Variants in VPS54 observed in about 807,000 individuals in gnomAD.
The protein encoded by VPS54 is VPS54 subunit of GARP complex.
A neutral mutation model predicts 121.5 loss-of-function variants in VPS54; 45 were observed. The observed-to-expected ratio is 0.37, with a 90% confidence interval of 0.29 to 0.47. The LOEUF (loss-of-function observed/expected upper bound fraction) is 0.47, where lower values mean the gene tolerates loss of function less well. Among genes scored for constraint, VPS54 ranks in the 20% least tolerant of loss-of-function variants. The pLI is 0.99. For synonymous variants in VPS54, 371 were observed against 385.8 expected (o/e 0.96, Z 0.45); for missense variants, 1,090 against 1,131.4 (o/e 0.96, Z 0.52).
chr2:63,897,570 A>T lies in VPS54; in HGVS notation c.2754T>A (p.Asn918Lys). The T allele has an allele frequency of 6.3e-7, 1 of 1,576,596 alleles. No homozygotes were observed. Residue 918 changes from asparagine (N) to lysine (K), a missense_variant, in exon 22 of 23, where the codon AAT becomes AAA. By Grantham distance (94) the Asn-to-Lys change is moderately conservative (BLOSUM62 0). Coordinates refer to ENST00000272322, the MANE Select transcript of VPS54 (RefSeq NM_016516.3). ...TTTTCAAGTGGAGTTTATAACTTGC[A>T]TTAATTCTTAAAAATAACATCTGAA... ...EQTQMLFLRINASYKLHLKKQ... is the reference protein window; with the variant it reads ...EQTQMLFLRIKASYKLHLKKQ...
chr2:63,942,369 G>A, intron 11 of VPS54, 96 bp downstream of exon 11: 1 of 837,480 alleles, frequency 1.2e-6, no homozygotes, highest in Non-Finnish European at 1.7e-6. Context: ...AAGAAACTGT[G>A]TTTTATTCTA....
chr2:63,916,951 C>CT lies in VPS54; in HGVS notation c.2176dup (p.Arg726LysfsTer5), dbSNP rs1225289922. On this transcript the variant is annotated frameshift_variant, in exon 16 of 23. Transcript: ENST00000272322. LOFTEE classifies it high-confidence loss of function. ...GACAATAAGAACTTCAGCTGGTTTC[C>CT]TTTCTTCTGTGGCTACAGAGTTAAG... is the stretch of plus-strand genomic sequence containing the variant. The CT allele has an allele frequency of 6.2e-7, 1 of 1,613,554 alleles. No individual in the cohort carries two copies. Among genetic ancestry groups the CT allele is most frequent in the Non-Finnish European group, 8.5e-7 (1 of 1,179,624 alleles).
chr2:63,985,276 G>A (rs1478432195), intron 1 of VPS54, among the ~76,000 whole-genome samples: 3 of 152,042 alleles, frequency 2.0e-5, no homozygotes, highest in Non-Finnish European at 4.4e-5. Context: ...CCAAGATCAC[G>A]CCACTATACT....
rs1180528387 is a variant in VPS54, at chr2:63,912,669, T to C, written c.2423-8A>G. 2 of 1,562,508 alleles carry C rather than the reference T, an allele frequency of 1.3e-6. No individual in the cohort carries two copies. Among genetic ancestry groups the C allele is most frequent in the African/African-American group, 2.8e-5 (2 of 70,536 alleles). On this transcript the variant is annotated splice_polypyrimidine_tract_variant and splice_region_variant and intron_variant, in intron 18 of 22. Transcript: ENST00000272322. ...AACATCGTGAAGAAAGAGCTGAAGA[T>C]CCAGGGAGTAGATATATAATGGAGA...
intron 3 of VPS54, among the ~76,000 whole-genome samples, chr2:63,976,350 C>CAAAAAAAAAA (rs371137546): frequency 1.6e-4 from 15 of 93,888 alleles, no homozygotes; most frequent in African/African-American, 3.4e-4. Flanking sequence ...GACCTTGTCT[C>CAAAAAAAAAA]AAAAAAAAAA....
intron 16 of VPS54, among the ~76,000 whole-genome samples, chr2:63,915,920 C>T (rs1673360325): frequency 6.6e-6 from 1 of 152,128 alleles, no homozygotes; most frequent in Non-Finnish European, 1.5e-5. Flanking sequence ...AATTAGAAGA[C>T]ATATACATAA....
At chr2:63,954,616 A>C (rs1675409053) in intron 7 of VPS54, among the ~76,000 whole-genome samples, 1 of 152,100 alleles carries the variant, frequency 6.6e-6, no homozygotes, top group Admixed American at 6.5e-5. Flanking sequence ...TTAATGATAA[A>C]TCTAGACAGC....
At chr2:63,900,817 C>T (rs1385878572) in intron 20 of VPS54, among the ~76,000 whole-genome samples, 2 of 152,086 alleles carry the variant, frequency 1.3e-5, no homozygotes. Context: ...AGCTGGAGTG[C>T]AGTGGTGCAA....
rs756538012 is a variant in VPS54, at chr2:63,975,046, A to AT, written c.379-2803dup. 1,678 of 1,479,834 alleles carry AT rather than the reference A, an allele frequency of 1.1e-3. 1 individual carries two copies. Among genetic ancestry groups the AT allele is most frequent in the South Asian group, 3.9e-3 (302 of 78,212 alleles). 91.7% of individuals were successfully genotyped at this position (1,479,834 alleles called of 1,614,324 possible). ...CCCATTAGCTACAGAGTTTTTGTAG[A>AT]TTTTTTTTTTCTTTTTTGAGACAGA... On this transcript the variant is annotated intron_variant, in intron 3 of 22. Coordinates refer to ENST00000272322, the MANE Select transcript of VPS54 (RefSeq NM_016516.3).
chr2:63,954,769 A>T (rs1455407852), intron 7 of VPS54, among the ~76,000 whole-genome samples: 1 of 152,090 alleles, frequency 6.6e-6, no homozygotes, highest in African/African-American at 2.4e-5. Context: ...TCAATTACAG[A>T]GAATATAGGT....
intron 9 of VPS54, 148 bp downstream of exon 9, chr2:63,947,235 T>C (rs1235563746): frequency 1.4e-6 from 1 of 691,160 alleles, no homozygotes; most frequent in East Asian, 4.4e-5. Flanking sequence ...GGTAAGGCTA[T>C]GTTTTACTTT....
At position 63,929,525 on chromosome 2, in the gene VPS54, G is replaced by A. The variant is rs139382507; in HGVS notation, c.1739+4148C>T. Among the ~76,000 whole-genome samples the A allele has an allele frequency of 6.8e-3, 1,030 of 152,302 alleles. 8 individuals are homozygous for A. The highest frequency in any genetic ancestry group is 0.018 in the South Asian group (88 of 4,826). ...GGACACATTTAAAGCAGTGTGTAGAGGGAAATTTATAGCAGTAAATGCCCA... is the reference window on the plus strand; with the variant it reads ...GGACACATTTAAAGCAGTGTGTAGAAGGAAATTTATAGCAGTAAATGCCCA... On this transcript the variant is annotated intron_variant, in intron 12 of 22. Transcript: ENST00000272322.
In VPS54 at chr2:63,899,593, AAAT is replaced by A. The variant is rs1652930117; in HGVS notation, c.2626-15_2626-13del. 1 of 1,600,634 alleles carries A rather than the reference AAAT, an allele frequency of 6.2e-7. No individual in the cohort carries two copies. Among genetic ancestry groups the A allele is most frequent in the African/African-American group, 1.3e-5 (1 of 74,568 alleles). On this transcript the variant is annotated splice_polypyrimidine_tract_variant and intron_variant, in intron 20 of 22. Coordinates refer to ENST00000272322, the MANE Select transcript of VPS54 (RefSeq NM_016516.3). ...GCCTTCACTTCATACTGGTAGGAAAAAATAATGAGAATTATGTTCATGTCCTCT... is the reference window on the plus strand; with the variant it reads ...GCCTTCACTTCATACTGGTAGGAAAAAATGAGAATTATGTTCATGTCCTCT...
chr2:64,009,899 T>C (rs974952355), intron 1 of VPS54, among the ~76,000 whole-genome samples: 7 of 151,522 alleles, frequency 4.6e-5, no homozygotes, highest in Admixed American at 3.9e-4. Flanking sequence ...TGGAGTGCAG[T>C]GGCGTGATCT....
intron 1 of VPS54, among the ~76,000 whole-genome samples, chr2:63,984,907 C>G (rs1276617582): frequency 6.6e-6 from 1 of 151,972 alleles, no homozygotes; most frequent in Non-Finnish European, 1.5e-5. Flanking sequence ...TAAGTTCTCT[C>G]AAAACAGAGA....
intron 16 of VPS54, among the ~76,000 whole-genome samples, chr2:63,914,635 G>C (rs1361697668): frequency 1.3e-5 from 2 of 152,050 alleles, no homozygotes; most frequent in Non-Finnish European, 2.9e-5. Flanking sequence ...CAGTAAGACA[G>C]GTATTGCATT....
intron 7 of VPS54, among the ~76,000 whole-genome samples, chr2:63,961,283 A>C (rs972379679): frequency 1.1e-4 from 16 of 152,324 alleles, no homozygotes; most frequent in African/African-American, 3.6e-4. Flanking sequence ...AATATATCCT[A>C]AACATTCCAA....
At position 63,934,032 on chromosome 2, in the gene VPS54, C is replaced by T; in HGVS notation, c.1399-19G>A. ...ATGTTGCCTACAAGAAAATAGGACA[C>T]ACTTTTAAGGGACGTAAAATGTCTC... On this transcript the variant is annotated intron_variant, in intron 11 of 22. Transcript: ENST00000272322. 2 of 1,597,816 alleles carry T rather than the reference C, an allele frequency of 1.3e-6. No individual in the cohort carries two copies. Among genetic ancestry groups the T allele is most frequent in the African/African-American group, 1.3e-5 (1 of 74,638 alleles).
chr2:63,920,361 A>C, intron 14 of VPS54, 85 bp downstream of exon 14: 1 of 1,275,092 alleles, frequency 7.8e-7, no homozygotes, highest in Non-Finnish European at 1.0e-6. Flanking sequence ...TTCACTGGCC[A>C]ATTAGGTTTC....
Sources: allele counts gnomAD v4.1 joint callset (sites outside exome capture counted in the v4.1 genomes callset), GRCh38; gene constraint gnomAD v4.1.1; transcripts MANE v1.5; gene names NCBI Gene and HGNC (gene_info 2026-07-23, HGNC 2026-07-21).